ANAPC5: variants seen among roughly 807,000 people sequenced by gnomAD.
The protein encoded by ANAPC5 is anaphase-promoting complex subunit 5.
A neutral mutation model predicts 91.3 loss-of-function variants in ANAPC5; 60 were observed. The observed-to-expected ratio is 0.66, with a 90% confidence interval of 0.53 to 0.81. The LOEUF is 0.81. Ranked by LOEUF, ANAPC5 falls within the 40% of genes least tolerant of loss-of-function variation. The probability of loss-of-function intolerance (pLI) is 0.00; values close to 1 mark genes in which losing one functional copy is unlikely to be tolerated. For synonymous variants in ANAPC5, 340 were observed against 364.1 expected, an observed-to-expected ratio of 0.93 and a Z score of 0.75; for missense variants, 690 against 931.5, an observed-to-expected ratio of 0.74 and a Z score of 3.37.
intron 10 of ANAPC5, 109 bp downstream of exon 10, chr12:121,328,206 CA>C (rs1198455357): frequency 2.1e-6 from 2 of 967,964 alleles, no homozygotes; most frequent in Non-Finnish European, 3.1e-6. Context: ...GCAGGAACAA[CA>C]TCTATCCAAG....
At chr12:121,345,520 G>A (rs1903632077) in intron 4 of ANAPC5, among the ~76,000 whole-genome samples, 2 of 152,120 alleles carry the variant, frequency 1.3e-5, no homozygotes, top group South Asian at 4.1e-4. Flanking sequence ...CCCCCTGAAG[G>A]AGTGCAGAAA....
intron 15 of ANAPC5, among the ~76,000 whole-genome samples, chr12:121,313,219 G>A (rs923235664): frequency 2.6e-5 from 4 of 151,994 alleles, no homozygotes; most frequent in Admixed American, 6.6e-5. Flanking sequence ...CCAGCTACTC[G>A]GGAGGCTGAG....
At chr12:121,343,416 G>T (rs1181433537) in intron 4 of ANAPC5, among the ~76,000 whole-genome samples, 3 of 152,088 alleles carry the variant, frequency 2.0e-5, no homozygotes, top group African/African-American at 7.2e-5. Context: ...CTGGGGAAGG[G>T]GTATGAGCCC....
intron 15 of ANAPC5, among the ~76,000 whole-genome samples, chr12:121,312,353 C>G (rs1367271989): frequency 6.6e-6 from 1 of 151,946 alleles, no homozygotes; most frequent in African/African-American, 2.4e-5. Context: ...CACCTGAGGG[C>G]AGGAGTTCGA....
At chr12:121,320,628 G>T in intron 11 of ANAPC5, 169 bp from the exon 12 acceptor site, 2 of 489,404 alleles carry the variant, frequency 4.1e-6, no homozygotes, top group East Asian at 3.2e-5. Flanking sequence ...TTTTGGGACA[G>T]AGTCTCGCTC....
At chr12:121,308,919 C>T (rs925727093) in intron 16 of ANAPC5, among the ~76,000 whole-genome samples, 9 of 150,638 alleles carry the variant, frequency 6.0e-5, no homozygotes, top group Non-Finnish European at 5.9e-5. Context: ...GAGGCCGAGG[C>T]GGGTGGATCA....
In ANAPC5 at chr12:121,348,684, C is replaced by T. The variant is rs114517123; in HGVS notation, c.208-803G>A. On this transcript the variant is annotated intron_variant, in intron 1 of 16. Coordinates refer to ENST00000261819, the MANE Select transcript of ANAPC5 (RefSeq NM_016237.5). ...CGTCTCCAATAAAAAAAAAAGAGTA[C>T]CACAAGGAATAAAGAGTATGCAACC... Among the ~76,000 whole-genome samples the T allele has an allele frequency of 8.7e-3, 1,321 of 152,094 alleles. 22 individuals carry two copies. Among genetic ancestry groups the T allele is most frequent in the African/African-American group, 0.03 (1,257 of 41,490 alleles).
intron 15 of ANAPC5, among the ~76,000 whole-genome samples, chr12:121,316,875 A>C (rs1166155374): frequency 6.6e-6 from 1 of 152,148 alleles, no homozygotes; most frequent in East Asian, 1.9e-4. Flanking sequence ...GCAAAATGTG[A>C]TCTAACCATA....
intron 12 of ANAPC5, 96 bp downstream of exon 12, chr12:121,320,289 A>T: frequency 8.4e-7 from 1 of 1,197,430 alleles, no homozygotes. Flanking sequence ...TTAGCTCAAT[A>T]TTATTTTTCT....
At chr12:121,326,274 T>C (rs1427156874) in intron 11 of ANAPC5, 2 of 152,210 alleles carry the variant, frequency 1.3e-5, no homozygotes, top group South Asian at 2.1e-4. Context: ...TTGAGTGTTA[T>C]GATGCAATCT....
At chr12:121,352,677 A>G (rs190727132), upstream of ANAPC5, among the ~76,000 whole-genome samples, 1 of 47,054 alleles carries the variant, frequency 2.1e-5, no homozygotes, top group Non-Finnish European at 7.1e-5. Flanking sequence ...GAAGGGACTG[A>G]GGAGCTCCCA....
At chr12:121,346,765 T>TA in intron 3 of ANAPC5, 131 bp downstream of exon 3, 1 of 526,290 alleles carries the variant, frequency 1.9e-6, no homozygotes, top group Admixed American at 3.9e-5. Flanking sequence ...AGGCAATAAA[T>TA]ACAAACTGCA....
At chr12:121,309,653 A>G (rs1902076991) in intron 16 of ANAPC5, 48 bp downstream of exon 16, 2 of 1,549,974 alleles carry the variant, frequency 1.3e-6, no homozygotes, top group Non-Finnish European at 1.7e-6. Context: ...TAAACTTTCA[A>G]TGCTTTCTGG....
intron 1 of ANAPC5, 137 bp from the exon 2 acceptor site, chr12:121,348,018 C>T (rs1192346868): frequency 3.2e-6 from 2 of 634,224 alleles, no homozygotes; most frequent in African/African-American, 3.7e-5. Flanking sequence ...TTTCTATCTA[C>T]CTAAAACACT....
intron 15 of ANAPC5, chr12:121,310,488 A>C (rs1902119775): frequency 6.6e-6 from 1 of 152,364 alleles, no homozygotes; most frequent in Non-Finnish European, 1.5e-5. Flanking sequence ...ACTTGAGCCC[A>C]GGAGGTCAAG....
chr12:121,341,584 TAG>T (rs1452932882), intron 5 of ANAPC5, among the ~76,000 whole-genome samples: 1 of 152,148 alleles, frequency 6.6e-6, no homozygotes, highest in Admixed American at 6.6e-5. Context: ...GGTGGCTGAA[TAG>T]AGAGTGGTTA....
chr12:121,347,266 A>C, intron 2 of ANAPC5: 1 of 439,914 alleles, frequency 2.3e-6, no homozygotes, highest in Non-Finnish European at 4.0e-6. Context: ...AATGACTAAA[A>C]AGAGTAAGAT....
At chr12:121,314,668 A>G (rs1439263062) in intron 15 of ANAPC5, among the ~76,000 whole-genome samples, 9 of 151,328 alleles carry the variant, frequency 5.9e-5, no homozygotes, top group African/African-American at 9.7e-5. Context: ...CCCAACCTGT[A>G]GTGCAGTGGC....
chr12:121,337,212 G>T, intron 6 of ANAPC5, 79 bp downstream of exon 6: 1 of 1,213,886 alleles, frequency 8.2e-7, no homozygotes, highest in Non-Finnish European at 1.2e-6. Context: ...GTAAGACTCT[G>T]TTTCCAAAAA....
Sources: allele counts gnomAD v4.1 joint callset (sites outside exome capture counted in the v4.1 genomes callset), GRCh38; gene constraint gnomAD v4.1.1; transcripts MANE v1.5; gene names NCBI Gene and HGNC (gene_info 2026-07-23, HGNC 2026-07-21).